Variants in PLD5 observed in about 807,000 individuals in gnomAD.
PLD5 encodes the protein phospholipase D family member 5.
PLD5 carries 36 observed loss-of-function variants against 61.1 expected under a neutral mutation model. The ratio of observed to expected loss-of-function variants is 0.59; its 90% CI spans 0.45 to 0.78. The LOEUF is 0.78. Ranked by LOEUF, PLD5 falls within the 30% of genes least tolerant of loss-of-function variation. The pLI, the probability that PLD5 is intolerant of heterozygous loss-of-function variation, is 0.00. For synonymous variants in PLD5, 243 were observed against 242.8 expected (o/e 1.00, Z -0.01); for missense variants, 515 against 644.4 (o/e 0.80, Z 2.17).
intron 4 of PLD5, among the ~76,000 whole-genome samples, chr1:242,220,714 ATT>A: frequency 7.5e-6 from 1 of 134,078 alleles, no homozygotes; most frequent in East Asian, 2.0e-4. Flanking sequence ...TTTATATTTT[ATT>A]TTATTTTATT....
At chr1:242,175,580 T>A (rs1308340561) in intron 5 of PLD5, among the ~76,000 whole-genome samples, 1 of 152,176 alleles carries the variant, frequency 6.6e-6, no homozygotes, top group Non-Finnish European at 1.5e-5. Flanking sequence ...TTCAGTATAG[T>A]ATTGGAAGTT....
In PLD5 at chr1:242,524,620, C is replaced by A. The variant is rs1669392636; in HGVS notation, c.-344G>T. ...ACCTGCTCCGGGGAGACAGAAGTGC[C>A]CGGTGCGGCGGCGACGTCGCCCGGC... is the stretch of plus-strand genomic sequence containing the variant. On this transcript the variant is annotated 5_prime_UTR_variant, in exon 1 of 10. Coordinates refer to ENST00000536534, the MANE Select transcript of PLD5 (RefSeq NM_001372062.1). 1 of 200,246 alleles carries A rather than the reference C, an allele frequency of 5.0e-6. No individual in the cohort carries two copies. Among genetic ancestry groups the A allele is most frequent in the Non-Finnish European group, 1.0e-5 (1 of 99,506 alleles). The allele number at this position is 200,246 out of a possible 1,614,324, so 12.4% of individuals were successfully genotyped here. A position where few individuals can be genotyped will look rare whatever the true frequency, so the allele number is the denominator to read the frequency against.
intron 2 of PLD5, among the ~76,000 whole-genome samples, chr1:242,344,653 A>G (rs1456824110): frequency 1.3e-5 from 2 of 152,128 alleles, no homozygotes; most frequent in African/African-American, 2.4e-5. Context: ...AAACTTTGTG[A>G]CACAGATTTT....
chr1:242,385,619 C>T (rs1170673024), intron 1 of PLD5, among the ~76,000 whole-genome samples: 1 of 152,170 alleles, frequency 6.6e-6, no homozygotes, highest in Non-Finnish European at 1.5e-5. Flanking sequence ...CGGACTTTGT[C>T]ACCCCCACGA....
At chr1:242,401,091 T>G (rs1663904374) in intron 1 of PLD5, among the ~76,000 whole-genome samples, 1 of 152,092 alleles carries the variant, frequency 6.6e-6, no homozygotes, top group African/African-American at 2.4e-5. Context: ...CAAATTCTGT[T>G]CTTCCTCCCA....
rs187286709 is a variant in PLD5, at chr1:242,288,896, A to G, written c.327-366T>C. Among the ~76,000 whole-genome samples, 445 of 152,246 alleles carry G rather than the reference A, an allele frequency of 2.9e-3. 2 individuals carry two copies. The highest frequency in any genetic ancestry group is 0.014 in the Middle Eastern group (4 of 294). On this transcript the variant is annotated intron_variant, in intron 2 of 9. Transcript: ENST00000536534. ...TTTCCCTGGAAGCAATTCAATTCCTATATAAGATACTACTTTGCAAGCTAT... is the reference window on the plus strand; with the variant it reads ...TTTCCCTGGAAGCAATTCAATTCCTGTATAAGATACTACTTTGCAAGCTAT...
intron 1 of PLD5, among the ~76,000 whole-genome samples, chr1:242,494,880 GT>G (rs575152311): frequency 2.7e-3 from 365 of 137,184 alleles, no homozygotes; most frequent in African/African-American, 7.6e-3. Context: ...TTTCTTTTCT[GT>G]TTTTTTTTTT....
Position 242,454,331 on chromosome 1 carries a change from C to CA in PLD5, c.189+69756dup, listed in dbSNP as rs34186124. Among the ~76,000 whole-genome samples the CA allele has an allele frequency of 2.8e-3, 353 of 128,102 alleles. 3 individuals are homozygous for CA. Among genetic ancestry groups the CA allele is most frequent in the East Asian group, 7.8e-3 (33 of 4,236 alleles). 84.0% of individuals were successfully genotyped at this position (128,102 alleles called of 152,430 possible). A position where few individuals can be genotyped will look rare whatever the true frequency, so the allele number is the denominator to read the frequency against. On this transcript the variant is annotated intron_variant, in intron 1 of 9. Transcript: ENST00000536534. Reference sequence around the variant, plus strand: ...TGGGCAACACAGCAAGACTCCGTGTCAAAAAAAAAAAAAAGGCAAATTTAA... The same window carrying CA: ...TGGGCAACACAGCAAGACTCCGTGTCAAAAAAAAAAAAAAAGGCAAATTTAA...
intron 1 of PLD5, among the ~76,000 whole-genome samples, chr1:242,398,948 T>C (rs1322718406): frequency 6.6e-6 from 1 of 152,092 alleles, no homozygotes; most frequent in African/African-American, 2.4e-5. Flanking sequence ...GCTAGGGACA[T>C]AGTGAGCCCC....
At chr1:242,148,858 G>C (rs528944616) in intron 5 of PLD5, among the ~76,000 whole-genome samples, 1 of 151,864 alleles carries the variant, frequency 6.6e-6, no homozygotes, top group East Asian at 1.9e-4. Context: ...ATTAATTTTT[G>C]TATACTGATC....
intron 4 of PLD5, among the ~76,000 whole-genome samples, chr1:242,259,307 C>CT (rs1553337783): frequency 7.5e-5 from 11 of 145,764 alleles, no homozygotes; most frequent in Non-Finnish European, 1.2e-4. Flanking sequence ...AGACATCACC[C>CT]CTCTCTCTCT....
intron 1 of PLD5, among the ~76,000 whole-genome samples, chr1:242,476,552 A>G (rs1235192474): frequency 6.6e-6 from 1 of 152,168 alleles, no homozygotes; most frequent in Non-Finnish European, 1.5e-5. Flanking sequence ...TGATAATGCT[A>G]TGATCATTAC....
At chr1:242,434,581 A>G (rs577037186) in intron 1 of PLD5, among the ~76,000 whole-genome samples, 42 of 152,108 alleles carry the variant, frequency 2.8e-4, no homozygotes, top group Non-Finnish European at 5.0e-4. Context: ...TATGTTATCT[A>G]TGGTCTATTG....
intron 1 of PLD5, 25 bp downstream of exon 1, chr1:242,524,063 G>A: frequency 6.6e-7 from 1 of 1,525,750 alleles, no homozygotes; most frequent in South Asian, 1.2e-5. Context: ...CCTGGCCGAG[G>A]CCCCCGGGAG....
At chr1:242,410,077 T>A (rs1192320781) in intron 1 of PLD5, among the ~76,000 whole-genome samples, 1 of 152,240 alleles carries the variant, frequency 6.6e-6, no homozygotes, top group South Asian at 2.1e-4. Context: ...ATAATATTCC[T>A]CCCTGTGGAG....
intron 1 of PLD5, among the ~76,000 whole-genome samples, chr1:242,483,061 C>G (rs1365425080): frequency 3.3e-5 from 5 of 152,110 alleles, no homozygotes; most frequent in Non-Finnish European, 5.9e-5. Flanking sequence ...GAAGGAAGCA[C>G]TAAACATGGA....
At chr1:242,486,762 G>A (rs572181165) in intron 1 of PLD5, among the ~76,000 whole-genome samples, 4 of 152,086 alleles carry the variant, frequency 2.6e-5, no homozygotes, top group East Asian at 1.9e-4. Context: ...ACATGCACAC[G>A]TATGTTTATT....
intron 4 of PLD5, among the ~76,000 whole-genome samples, chr1:242,240,232 G>A (rs909249988): frequency 2.6e-5 from 4 of 152,142 alleles, no homozygotes; most frequent in African/African-American, 4.8e-5. Flanking sequence ...CCCCAGACAC[G>A]CATTACCTTG....
chr1:242,424,746 T>C (rs1005760040), intron 1 of PLD5, among the ~76,000 whole-genome samples: 1 of 152,198 alleles, frequency 6.6e-6, no homozygotes, highest in Non-Finnish European at 1.5e-5. Flanking sequence ...AGGATGTTTG[T>C]ACAGCAGCTC....
Sources: gnomAD v4.1 joint callset for allele counts (sites outside exome capture counted in the v4.1 genomes callset) on GRCh38, gnomAD v4.1.1 for gene constraint, MANE v1.5 for transcripts, NCBI Gene and HGNC (gene_info 2026-07-23, HGNC 2026-07-21) for gene names.